The following CPEB3 variants were observed in gnomAD, a reference collection of about 807,000 sequenced individuals.
CPEB3 encodes the protein cytoplasmic polyadenylation element binding protein 3, also known as cytoplasmic polyadenylation element-binding protein 3.
Under a neutral mutation model 67.2 loss-of-function variants are expected in CPEB3, and 20 were observed. The observed-to-expected ratio is 0.30, with a 90% CI of 0.21 to 0.43. CPEB3 has a LOEUF of 0.43. Ranked by LOEUF, CPEB3 falls within the 20% of genes least tolerant of loss-of-function variation. The pLI is 1.00. For synonymous variants in CPEB3, 376 were observed against 393.1 expected, an observed-to-expected ratio of 0.96 and a Z score of 0.51; for missense variants, 746 against 968.6, an observed-to-expected ratio of 0.77 and a Z score of 3.05.
intron 7 of CPEB3, among the ~76,000 whole-genome samples, chr10:92,110,543 T>C (rs2051646556): frequency 6.6e-6 from 1 of 152,206 alleles, no homozygotes; most frequent in Admixed American, 6.5e-5. Flanking sequence ...CCACAAACTC[T>C]GTATTATGGT....
chr10:92,171,253 C>T (rs1020855316), intron 4 of CPEB3, among the ~76,000 whole-genome samples: 9 of 152,208 alleles, frequency 5.9e-5, no homozygotes, highest in Admixed American at 1.3e-4. Context: ...AAAACACCTT[C>T]CTCTTCTGAT....
At chr10:92,207,561 A>G (rs1413678357) in intron 2 of CPEB3, among the ~76,000 whole-genome samples, 1 of 152,164 alleles carries the variant, frequency 6.6e-6, no homozygotes, top group East Asian at 1.9e-4. Context: ...ATGAGATAAA[A>G]CATGTTAATC....
chr10:92,280,668 A>G (rs533193386), intron 1 of CPEB3, among the ~76,000 whole-genome samples: 3 of 150,052 alleles, frequency 2.0e-5, no homozygotes, highest in Admixed American at 1.3e-4. Flanking sequence ...AAAAAAAAAA[A>G]AAACCAAACA....
chr10:92,135,816 GA>G (rs1478934523), intron 6 of CPEB3, among the ~76,000 whole-genome samples: 1 of 152,240 alleles, frequency 6.6e-6, no homozygotes, highest in South Asian at 2.1e-4. Flanking sequence ...ATACACCATG[GA>G]ATACTATGTA....
chr10:92,187,004 TAAAG>T (rs2134132255), intron 3 of CPEB3, among the ~76,000 whole-genome samples: 1 of 152,050 alleles, frequency 6.6e-6, no homozygotes, highest in South Asian at 2.1e-4. Context: ...CAGAAGTAAA[TAAAG>T]AGACAGTATA....
chr10:92,268,220 T>C (rs1224348704), intron 1 of CPEB3, among the ~76,000 whole-genome samples: 1 of 152,232 alleles, frequency 6.6e-6, no homozygotes, highest in Non-Finnish European at 1.5e-5. Context: ...TTTTGACAGA[T>C]ATTTTTTCCT....
chr10:92,178,368 A>C (rs376046280), intron 4 of CPEB3, among the ~76,000 whole-genome samples: 1 of 152,090 alleles, frequency 6.6e-6, no homozygotes, highest in African/African-American at 2.4e-5. Context: ...CACGTTGGCC[A>C]GGCTGGTCTT....
intron 6 of CPEB3, among the ~76,000 whole-genome samples, chr10:92,132,236 A>G (rs923735466): frequency 6.6e-6 from 1 of 152,154 alleles, no homozygotes; most frequent in African/African-American, 2.4e-5. Context: ...CTCCCAATCA[A>G]TATTCAATTC....
At chr10:92,100,837 C>T (rs1048462990) in intron 7 of CPEB3, among the ~76,000 whole-genome samples, 27 of 152,148 alleles carry the variant, frequency 1.8e-4, no homozygotes, top group African/African-American at 6.5e-4. Context: ...GTGATCCACC[C>T]GCCTCGGCTT....
intron 6 of CPEB3, among the ~76,000 whole-genome samples, chr10:92,141,520 T>C (rs908906190): frequency 6.6e-6 from 1 of 151,874 alleles, no homozygotes; most frequent in African/African-American, 2.4e-5. Flanking sequence ...TTAGGAGATA[T>C]ACCTATTGCT....
At chr10:92,078,810 C>T (rs1055022350) in intron 9 of CPEB3, among the ~76,000 whole-genome samples, 1 of 152,144 alleles carries the variant, frequency 6.6e-6, no homozygotes, top group African/African-American at 2.4e-5. Flanking sequence ...ACCTGAGCCT[C>T]GCAGTAGCTG....
intron 1 of CPEB3, among the ~76,000 whole-genome samples, chr10:92,247,624 C>T (rs915244766): frequency 2.6e-5 from 4 of 152,128 alleles, no homozygotes; most frequent in Admixed American, 6.6e-5. Context: ...GTCGAGCTCC[C>T]GACCTCAGGT....
At chr10:92,220,383 T>A (rs1247798066) in intron 2 of CPEB3, among the ~76,000 whole-genome samples, 3 of 152,116 alleles carry the variant, frequency 2.0e-5, no homozygotes, top group Non-Finnish European at 4.4e-5. Flanking sequence ...TGAAATTACT[T>A]AGATTGTGTT....
intron 2 of CPEB3, among the ~76,000 whole-genome samples, chr10:92,201,695 T>C (rs1481820807): frequency 1.3e-5 from 2 of 152,224 alleles, no homozygotes; most frequent in East Asian, 3.8e-4. Flanking sequence ...TGGGCATTGA[T>C]TTATTAGGTA....
At chr10:92,078,853 T>C (rs1843033305) in intron 9 of CPEB3, among the ~76,000 whole-genome samples, 1 of 152,094 alleles carries the variant, frequency 6.6e-6, no homozygotes, top group Non-Finnish European at 1.5e-5. Flanking sequence ...AACAAATATA[T>C]CTGAATTTAT....
intron 6 of CPEB3, among the ~76,000 whole-genome samples, chr10:92,124,725 G>A (rs894597598): frequency 3.3e-5 from 5 of 152,066 alleles, no homozygotes; most frequent in East Asian, 1.9e-4. Context: ...CTCAGAAGGT[G>A]GAAAAACTTG....
intron 1 of CPEB3, among the ~76,000 whole-genome samples, chr10:92,240,862 A>AACAAAAC (rs1851816853): frequency 6.6e-6 from 1 of 151,318 alleles, no homozygotes; most frequent in African/African-American, 2.4e-5. Flanking sequence ...CACTTTTTAA[A>AACAAAAC]AAAACAAAAC....
At chr10:92,162,693 T>C (rs1179401672) in intron 4 of CPEB3, among the ~76,000 whole-genome samples, 1 of 152,158 alleles carries the variant, frequency 6.6e-6, no homozygotes, top group Admixed American at 6.6e-5. Context: ...AGCACTCTCA[T>C]GTTAATGGCA....
At chr10:92,100,507 C>T (rs1031772551) in intron 7 of CPEB3, among the ~76,000 whole-genome samples, 1 of 152,012 alleles carries the variant, frequency 6.6e-6, no homozygotes, top group African/African-American at 2.4e-5. Context: ...AACTCCTGAC[C>T]TCAGGTGATC....
Sources: gnomAD v4.1 joint callset for allele counts (sites outside exome capture counted in the v4.1 genomes callset) on GRCh38, gnomAD v4.1.1 for gene constraint, MANE v1.5 for transcripts, NCBI Gene and HGNC (gene_info 2026-07-23, HGNC 2026-07-21) for gene names.